The following NNT variants were observed in gnomAD, a reference collection of about 807,000 sequenced individuals.
NNT encodes nicotinamide nucleotide transhydrogenase, also known as NAD(P) transhydrogenase, mitochondrial.
A neutral mutation model predicts 104.8 loss-of-function variants in NNT; 50 were observed. The observed-to-expected ratio is 0.48, with a 90% CI of 0.38 to 0.60. The LOEUF (loss-of-function observed/expected upper bound fraction) is 0.60. Among genes scored for constraint, NNT ranks in the 20% least tolerant of loss-of-function variants. The probability of loss-of-function intolerance (pLI) is 0.00; values close to 1 mark genes in which losing one functional copy is unlikely to be tolerated. For synonymous variants in NNT, 461 were observed against 490.4 expected, an observed-to-expected ratio of 0.94 and a Z score of 0.79; for missense variants, 1,131 against 1,330.7, an observed-to-expected ratio of 0.85 and a Z score of 2.33.
At chr5:43,673,826 C>A (rs1231437022) in intron 17 of NNT, among the ~76,000 whole-genome samples, 1 of 152,108 alleles carries the variant, frequency 6.6e-6, no homozygotes, top group Non-Finnish European at 1.5e-5. Flanking sequence ...TGAGACTAGC[C>A]TGGCCAACAT....
At chr5:43,657,855 T>C (rs1395115551) in intron 16 of NNT, among the ~76,000 whole-genome samples, 2 of 151,990 alleles carry the variant, frequency 1.3e-5, no homozygotes, top group African/African-American at 2.4e-5. Flanking sequence ...ACAAATGTGA[T>C]TGGGTGAGGT....
intron 6 of NNT, among the ~76,000 whole-genome samples, chr5:43,626,582 C>G (rs1448481895): frequency 6.6e-6 from 1 of 151,816 alleles, no homozygotes; most frequent in Non-Finnish European, 1.5e-5. Flanking sequence ...AAAGATATAA[C>G]TACAAAGATT....
chr5:43,612,294 A>G (rs1749542904), intron 2 of NNT, among the ~76,000 whole-genome samples: 1 of 152,194 alleles, frequency 6.6e-6, no homozygotes, highest in African/African-American at 2.4e-5. Context: ...TGTCTAAGTC[A>G]TCTTATAAGG....
At chr5:43,671,385 T>A (rs998581532) in intron 17 of NNT, among the ~76,000 whole-genome samples, 1 of 152,242 alleles carries the variant, frequency 6.6e-6, no homozygotes, top group East Asian at 1.9e-4. Context: ...GCCTCGATGG[T>A]CTTTACAATT....
At chr5:43,701,943 T>C (rs1289833074) in intron 20 of NNT, among the ~76,000 whole-genome samples, 5 of 151,836 alleles carry the variant, frequency 3.3e-5, no homozygotes, top group Admixed American at 2.0e-4. Context: ...TTTTTAAAAT[T>C]TATTTTATTT....
chr5:43,700,485 G>A (rs1406656400), intron 20 of NNT, among the ~76,000 whole-genome samples: 2 of 152,226 alleles, frequency 1.3e-5, no homozygotes, highest in East Asian at 3.8e-4. Context: ...AAACCTTGGT[G>A]TGTAGTATAG....
intron 3 of NNT, among the ~76,000 whole-genome samples, chr5:43,614,600 C>A (rs1418181203): frequency 6.6e-6 from 1 of 152,142 alleles, no homozygotes; most frequent in African/African-American, 2.4e-5. Context: ...ATGGGAATAG[C>A]AGACAAAGGT....
At chr5:43,662,009 A>T (rs898200412) in intron 17 of NNT, among the ~76,000 whole-genome samples, 2 of 152,298 alleles carry the variant, frequency 1.3e-5, no homozygotes, top group East Asian at 3.9e-4. Flanking sequence ...GTTAAATGGG[A>T]GGATTTGAAG....
At position 43,659,310 on chromosome 5, in the gene NNT, T is replaced by C. The variant is rs779471525; in HGVS notation, c.2594T>C (p.Ile865Thr). 3.7e-6 allele frequency: 6 copies of C among 1,613,908 alleles called. No individual in the cohort carries two copies. The highest frequency in any genetic ancestry group is 1.1e-5 in the South Asian group (1 of 91,066). Residue 865 changes from isoleucine (I) to threonine (T), a missense_variant, in exon 17 of 22, where the codon ATA becomes ACA. By Grantham distance (89) the Ile-to-Thr change is moderately conservative. Coordinates refer to ENST00000344920, the MANE Select transcript of NNT (RefSeq NM_182977.3). ...NNLLTIVGAL[I>T]GSSGAILSYI... ...CTGCTGACCATCGTGGGTGCACTCA[T>C]AGGCTCGTCTGGTGCTATCCTGTCA...
intron 7 of NNT, among the ~76,000 whole-genome samples, chr5:43,642,507 G>C (rs932107771): frequency 2.6e-5 from 4 of 152,138 alleles, no homozygotes; most frequent in African/African-American, 9.7e-5. Context: ...AGCACTTCAG[G>C]GTATTGTCTC....
chr5:43,607,201 CCT>C (rs1749270413), intron 1 of NNT, among the ~76,000 whole-genome samples: 1 of 152,038 alleles, frequency 6.6e-6, no homozygotes. Context: ...CATCATAACC[CCT>C]GTGATCTGCA....
chr5:43,628,567 C>T (rs6896932), intron 7 of NNT, among the ~76,000 whole-genome samples, 180 bp downstream of exon 7: 21,830 of 151,902 alleles, frequency 0.14, 2,351 homozygotes, highest in African/African-American at 0.3. Flanking sequence ...TTAATAATTT[C>T]CTTCAAGTAT....
intron 4 of NNT, among the ~76,000 whole-genome samples, chr5:43,616,365 G>T (rs1245100163): frequency 6.6e-6 from 1 of 152,162 alleles, no homozygotes; most frequent in Non-Finnish European, 1.5e-5. Context: ...TTTCATAAAT[G>T]TGTGTGTACA....
intron 3 of NNT, among the ~76,000 whole-genome samples, chr5:43,614,032 C>T (rs1034252113): frequency 2.0e-5 from 3 of 152,166 alleles, no homozygotes; most frequent in African/African-American, 7.2e-5. Context: ...AACTGTAACT[C>T]AGCTAAAGCT....
intron 6 of NNT, 95 bp from the exon 7 acceptor site, chr5:43,628,104 GT>G: frequency 1.1e-6 from 1 of 942,614 alleles, no homozygotes; most frequent in African/African-American, 1.7e-5. Context: ...TGAATATATA[GT>G]TTGTTGTTCT....
chr5:43,640,131 C>T (rs1468994597), intron 7 of NNT, among the ~76,000 whole-genome samples: 2 of 151,932 alleles, frequency 1.3e-5, no homozygotes, highest in Non-Finnish European at 2.9e-5. Flanking sequence ...TCTTTTTTAT[C>T]AGCCTTTGTC....
At chr5:43,635,641 G>T (rs1322963406) in intron 7 of NNT, among the ~76,000 whole-genome samples, 2 of 152,106 alleles carry the variant, frequency 1.3e-5, no homozygotes, top group Admixed American at 6.6e-5. Context: ...GTGTCTGTGG[G>T]GTTAGTTTCC....
Position 43,628,329 on chromosome 5 carries a change from A to G in NNT, c.906A>G (p.Lys302=). 1.2e-6 allele frequency: 2 copies of G among 1,613,742 alleles called. No homozygotes were observed. Among genetic ancestry groups the G allele is most frequent in the East Asian group, 2.2e-5 (1 of 44,852 alleles). ...MSKEFIEAEM[K]LFAQQCKEVD... ...AAGAGTTCATTGAAGCTGAAATGAA[A>G]CTCTTTGCTCAACAATGCAAGGAGG... The change falls in exon 7 of 22, where the codon AAA becomes AAG. Residue 302 remains lysine, a synonymous_variant. Coordinates refer to ENST00000344920, the MANE Select transcript of NNT (RefSeq NM_182977.3).
chr5:43,609,097 T>C (rs772820129), intron 1 of NNT, 46 bp from the exon 2 acceptor site: 10 of 869,688 alleles, frequency 1.1e-5, no homozygotes, highest in Non-Finnish European at 1.8e-5. Flanking sequence ...AAAAGACAAA[T>C]AGTTTTTTTC....
Sources: allele counts gnomAD v4.1 joint callset (sites outside exome capture counted in the v4.1 genomes callset), GRCh38; gene constraint gnomAD v4.1.1; transcripts MANE v1.5; gene names NCBI Gene and HGNC (gene_info 2026-07-23, HGNC 2026-07-21).